Variants in SDK1 observed in about 807,000 individuals in gnomAD.
SDK1 encodes sidekick cell adhesion molecule 1, also known as protein sidekick-1.
In SDK1, 157 loss-of-function variants were observed where a neutral mutation model predicts 245.5. The observed-to-expected ratio is 0.64, with a 90% CI of 0.56 to 0.73. The LOEUF (loss-of-function observed/expected upper bound fraction) is 0.73, where lower values mean the gene tolerates loss of function less well. SDK1 is among the 30% of genes least tolerant of loss of function. SDK1 has a pLI of 0.00. For missense variants in SDK1, 3,583 were observed against 3,002.3 expected (o/e 1.19, Z -4.52); for synonymous variants, 1,647 against 1,278.5 (o/e 1.29, Z -6.15).
At chr7:4,221,487 A>G in intron 40 of SDK1, 123 bp downstream of exon 40, 2 of 1,290,644 alleles carry the variant, frequency 1.5e-6, no homozygotes, top group Non-Finnish European at 2.1e-6. Flanking sequence ...TGGGACCAAG[A>G]GGGCGGTTTT....
rs553623847 is a variant in SDK1 at position 3,426,961 on chromosome 7, C to T, written c.298+125077C>T. ...AGTTAGCTCTTGCTTGCCTTCCAACCTCATCTCTCATCAGATACTTTATGA... is the reference window on the plus strand; with the variant it reads ...AGTTAGCTCTTGCTTGCCTTCCAACTTCATCTCTCATCAGATACTTTATGA... On this transcript the variant is annotated intron_variant, in intron 1 of 44. Transcript: ENST00000404826. 1.2e-4 allele frequency among the ~76,000 whole-genome samples: 19 copies of T among 152,314 alleles called. No homozygotes were observed. The South Asian group carries it at 3.7e-3, about 30-fold the overall frequency.
intron 1 of SDK1, among the ~76,000 whole-genome samples, chr7:3,402,564 A>C (rs1778917857): frequency 6.6e-6 from 1 of 152,226 alleles, no homozygotes. Flanking sequence ...AAGCACAATT[A>C]AATTTCCCAA....
intron 4 of SDK1, among the ~76,000 whole-genome samples, chr7:3,687,971 A>G (rs910750103): frequency 6.6e-6 from 1 of 152,182 alleles, no homozygotes; most frequent in South Asian, 2.1e-4. Flanking sequence ...GAGGAGAAAC[A>G]TGGCACCCTC....
At chr7:4,019,726 A>G (rs1022491683) in intron 17 of SDK1, among the ~76,000 whole-genome samples, 5 of 151,594 alleles carry the variant, frequency 3.3e-5, no homozygotes, top group Non-Finnish European at 7.4e-5. Context: ...GGTGTTTGAC[A>G]TTGGGGGTTG....
At chr7:3,354,866 C>T (rs911121202) in intron 1 of SDK1, among the ~76,000 whole-genome samples, 10 of 152,138 alleles carry the variant, frequency 6.6e-5, no homozygotes, top group African/African-American at 2.4e-4. Context: ...TTAAAGTGTA[C>T]GTACTTGATC....
At position 4,233,361 on chromosome 7, in the gene SDK1, G is replaced by A. The variant is rs1406979078; in HGVS notation, c.5934G>A (p.Val1978=). ...AAGGAGTGACTTACGAGTTCCGGGTGGTGGCTGTGAATGAGGCGGGCTACG... is the reference window on the plus strand; with the variant it reads ...AAGGAGTGACTTACGAGTTCCGGGTAGTGGCTGTGAATGAGGCGGGCTACG... ...LRQGVTYEFR[V]VAVNEAGYGE... The change falls in exon 41 of 45, where the codon GTG becomes GTA. Residue 1978 remains valine, a synonymous_variant. Transcript: ENST00000404826. The A allele has an allele frequency of 1.9e-6, 3 of 1,613,844 alleles. No homozygotes were observed.
chr7:4,215,277 G>A (rs566625838), intron 38 of SDK1, among the ~76,000 whole-genome samples: 2 of 152,378 alleles, frequency 1.3e-5, no homozygotes, highest in African/African-American at 4.8e-5. Context: ...CAATTGGTGG[G>A]TGGTGAAGGT....
At chr7:4,241,770 C>T in intron 42 of SDK1, 23 bp from the exon 43 acceptor site, 1 of 1,613,898 alleles carries the variant, frequency 6.2e-7, no homozygotes, top group East Asian at 2.2e-5. Flanking sequence ...CACGTCTGTT[C>T]TCACTCTCCT....
rs77738995 is a variant in SDK1, at chr7:3,729,777, A to G, written c.713+87672A>G. On this transcript the variant is annotated intron_variant, in intron 4 of 44. Coordinates refer to ENST00000404826, the MANE Select transcript of SDK1 (RefSeq NM_152744.4). ...GTGAACACGAAGATCTTTTTTAATG[A>G]CCAGAATTTTTAGTCTTATAATTTT... Among the ~76,000 whole-genome samples the G allele has an allele frequency of 4.0e-3, 606 of 152,120 alleles. 4 individuals carry two copies. The highest frequency in any genetic ancestry group is 0.013 in the African/African-American group (530 of 41,500).
chr7:3,325,793 C>G (rs1779926333), intron 1 of SDK1, among the ~76,000 whole-genome samples: 1 of 152,092 alleles, frequency 6.6e-6, no homozygotes, highest in Non-Finnish European at 1.5e-5. Flanking sequence ...TTGAATTTCT[C>G]TGACATTCTG....
intron 4 of SDK1, among the ~76,000 whole-genome samples, chr7:3,715,343 C>T (rs780895416): frequency 9.9e-5 from 15 of 152,126 alleles, no homozygotes; most frequent in African/African-American, 2.2e-4. Flanking sequence ...CAGCATTTTC[C>T]GATCCGTTTA....
intron 4 of SDK1, among the ~76,000 whole-genome samples, chr7:3,668,358 G>C (rs1006991120): frequency 6.6e-6 from 1 of 152,192 alleles, no homozygotes; most frequent in Non-Finnish European, 1.5e-5. Context: ...GAGTTCATCA[G>C]AGTTAATGAC....
intron 1 of SDK1, among the ~76,000 whole-genome samples, chr7:3,503,786 G>A (rs866695876): frequency 1.3e-5 from 2 of 152,056 alleles, no homozygotes; most frequent in African/African-American, 2.4e-5. Context: ...TTAAAATATT[G>A]TTAAATCGAA....
intron 5 of SDK1, among the ~76,000 whole-genome samples, chr7:3,891,470 C>G (rs992786186): frequency 1.2e-4 from 18 of 152,278 alleles, no homozygotes; most frequent in African/African-American, 4.3e-4. Flanking sequence ...TCTCAAATGC[C>G]ACGGTCTATG....
intron 4 of SDK1, among the ~76,000 whole-genome samples, chr7:3,768,738 C>T (rs892680049): frequency 6.6e-6 from 1 of 152,160 alleles, no homozygotes; most frequent in Non-Finnish European, 1.5e-5. Flanking sequence ...GAGAAATTGA[C>T]CAGAAATAGT....
At chr7:4,171,915 A>G (rs1781863975) in intron 32 of SDK1, among the ~76,000 whole-genome samples, 1 of 151,978 alleles carries the variant, frequency 6.6e-6, no homozygotes, top group African/African-American at 2.4e-5. Flanking sequence ...CCGTGGGGGG[A>G]ACACAGGGGA....
intron 1 of SDK1, among the ~76,000 whole-genome samples, chr7:3,343,415 T>G (rs1201291604): frequency 6.6e-6 from 1 of 152,226 alleles, no homozygotes; most frequent in Non-Finnish European, 1.5e-5. Flanking sequence ...GGTTATATGT[T>G]GTATAATTCC....
intron 1 of SDK1, among the ~76,000 whole-genome samples, chr7:3,339,660 G>C (rs1780294087): frequency 6.6e-6 from 1 of 152,078 alleles, no homozygotes; most frequent in South Asian, 2.1e-4. Context: ...TCATACGTCA[G>C]TCTCAAAGGA....
At position 3,391,829 on chromosome 7, in the gene SDK1, A is replaced by G. The variant is rs188311673; in HGVS notation, c.298+89945A>G. Reference sequence around the variant, plus strand: ...TTTTTTGTAGAGGTGAGGTTTTGCTATGTTGCCCAGGCTGGTCTCAAACTC... The same window carrying G: ...TTTTTTGTAGAGGTGAGGTTTTGCTGTGTTGCCCAGGCTGGTCTCAAACTC... On this transcript the variant is annotated intron_variant, in intron 1 of 44. Coordinates refer to ENST00000404826, the MANE Select transcript of SDK1 (RefSeq NM_152744.4). Among the ~76,000 whole-genome samples the G allele has an allele frequency of 1.5e-3, 228 of 151,716 alleles. 1 individual carries two copies. Among genetic ancestry groups the G allele is most frequent in the African/African-American group, 5.3e-3 (219 of 41,362 alleles).
Sources: allele counts gnomAD v4.1 joint callset (sites outside exome capture counted in the v4.1 genomes callset), GRCh38; gene constraint gnomAD v4.1.1; transcripts MANE v1.5; gene names NCBI Gene and HGNC (gene_info 2026-07-23, HGNC 2026-07-21).